MTUS2: variants seen among roughly 807,000 people sequenced by gnomAD.
The protein encoded by MTUS2 is microtubule-associated tumor suppressor candidate 2.
In MTUS2, 40 loss-of-function variants were observed where a neutral mutation model predicts 114.1. The observed-to-expected ratio is 0.35, with a 90% CI of 0.27 to 0.46. MTUS2 has a LOEUF of 0.46. MTUS2 is among the 20% of genes least tolerant of loss of function. The probability of loss-of-function intolerance (pLI) is 1.00; values close to 1 mark genes in which losing one functional copy is unlikely to be tolerated. For missense variants in MTUS2, 1,679 were observed against 1,705.4 expected (o/e 0.98, Z 0.27); for synonymous variants, 688 against 672.0 (o/e 1.02, Z -0.37).
chr13:29,148,331 T>C (rs1892521488), intron 5 of MTUS2, among the ~76,000 whole-genome samples: 1 of 152,036 alleles, frequency 6.6e-6, no homozygotes, highest in East Asian at 1.9e-4. Flanking sequence ...CAGCATCCAT[T>C]AGCTGTTCTT....
chr13:28,998,745 G>T (rs1262238882), intron 2 of MTUS2, among the ~76,000 whole-genome samples: 2 of 152,132 alleles, frequency 1.3e-5, no homozygotes, highest in Non-Finnish European at 2.9e-5. Flanking sequence ...GGTCCATCAC[G>T]TCCATTAAGG....
At chr13:29,486,508 C>A (rs997838749) in intron 10 of MTUS2, among the ~76,000 whole-genome samples, 2 of 152,028 alleles carry the variant, frequency 1.3e-5, no homozygotes, top group Non-Finnish European at 2.9e-5. Flanking sequence ...ATGTGGGAGC[C>A]CAGAGGTGGC....
At chr13:28,879,960 G>A (rs960185044) in intron 2 of MTUS2, among the ~76,000 whole-genome samples, 6 of 152,156 alleles carry the variant, frequency 3.9e-5, no homozygotes, top group African/African-American at 7.2e-5. Flanking sequence ...ATCTGAAGTC[G>A]TGAGGTTGAG....
intron 2 of MTUS2, among the ~76,000 whole-genome samples, chr13:29,004,030 T>G (rs1017291011): frequency 6.6e-6 from 1 of 152,184 alleles, no homozygotes; most frequent in African/African-American, 2.4e-5. Flanking sequence ...TTTGCTACTT[T>G]TATGGAGTGT....
intron 4 of MTUS2, among the ~76,000 whole-genome samples, chr13:29,042,045 G>T (rs1243208210): frequency 1.3e-5 from 2 of 152,164 alleles, no homozygotes; most frequent in Non-Finnish European, 1.5e-5. Context: ...ACTTGTTCCA[G>T]TTCTCAGAGG....
chr13:29,152,434 A>T (rs991221234), intron 5 of MTUS2, among the ~76,000 whole-genome samples: 20 of 152,184 alleles, frequency 1.3e-4, no homozygotes, highest in African/African-American at 4.8e-4. Flanking sequence ...AAAACAGCAA[A>T]TACTTATTAC....
rs143207100 is a variant in MTUS2 at position 29,307,271 on chromosome 13, G to A, written c.2807-17342G>A. On this transcript the variant is annotated intron_variant, in intron 6 of 15. Coordinates refer to ENST00000612955, the MANE Select transcript of MTUS2 (RefSeq NM_001033602.4). ...TTAGCACCCCTGGCCAAAGTCATCC[G>A]TGACAACTTTGGTATCATGGAAGGA... is the stretch of plus-strand genomic sequence containing the variant. 4.3e-3 allele frequency: 2,807 copies of A among 649,322 alleles called. 85 individuals are homozygous for A. Among genetic ancestry groups the A allele is most frequent in the South Asian group, 0.042 (2,674 of 63,980 alleles). 40.2% of individuals were successfully genotyped at this position (649,322 alleles called of 1,614,324 possible). A position where few individuals can be genotyped will look rare whatever the true frequency, so the allele number is the denominator to read the frequency against.
At chr13:28,821,618 C>T (rs1873909480) in intron 1 of MTUS2, among the ~76,000 whole-genome samples, 3 of 152,146 alleles carry the variant, frequency 2.0e-5, no homozygotes, top group African/African-American at 7.2e-5. Context: ...CAGCCCTTGT[C>T]CCTCCTCCAC....
rs1457491588 is a variant in MTUS2, at chr13:29,100,934, G to T, written c.2608G>T (p.Asp870Tyr). ...VSSVSSTQSG[D>Y]SAQPEQGRPA... ...CTCAGTCTCCAGCACCCAGTCCGGG[G>T]ACAGTGCACAGCCAGAGCAGGGCCG... The change falls in exon 5 of 16, where the codon GAC (aspartate) becomes TAC (tyrosine). Residue 870 changes from aspartate to tyrosine, a missense_variant. Asp to Tyr is a radical substitution (Grantham distance 160). Transcript: ENST00000612955. The T allele has an allele frequency of 1.9e-6, 3 of 1,577,018 alleles. No individual in the cohort carries two copies. The Admixed American group carries it at 5.5e-5, about 29-fold the overall frequency.
At chr13:29,481,619 C>G (rs1593496530) in intron 10 of MTUS2, among the ~76,000 whole-genome samples, 1 of 152,190 alleles carries the variant, frequency 6.6e-6, no homozygotes, top group African/African-American at 2.4e-5. Flanking sequence ...AAATGGACAT[C>G]TCAGACGACA....
In MTUS2 at chr13:29,253,629, T is replaced by G. The variant is rs573781284; in HGVS notation, c.2645-28075T>G. Among the ~76,000 whole-genome samples, 136 of 152,214 alleles carry G rather than the reference T, an allele frequency of 8.9e-4. 2 individuals are homozygous for G. The highest frequency in any genetic ancestry group is 3.0e-3 in the African/African-American group (125 of 41,560). ...ACATCAGTGAATAAAATAGACAGAA[T>G]TCCTGGAGGGTTTGCATTCTAACAG... On this transcript the variant is annotated intron_variant, in intron 5 of 15. Transcript: ENST00000612955.
At chr13:29,372,475 G>A (rs1871271341) in intron 8 of MTUS2, among the ~76,000 whole-genome samples, 1 of 149,068 alleles carries the variant, frequency 6.7e-6, no homozygotes, top group Non-Finnish European at 1.5e-5. Context: ...ATTATTATAT[G>A]TTAAGATTAA....
intron 2 of MTUS2, among the ~76,000 whole-genome samples, chr13:28,859,124 A>G (rs186233549): frequency 3.9e-4 from 59 of 152,254 alleles, no homozygotes; most frequent in South Asian, 1.2e-3. Flanking sequence ...TGCTCTCTCC[A>G]TAACATCCTG....
At chr13:29,498,639 G>C in intron 14 of MTUS2, 102 bp downstream of exon 14, 2 of 1,479,118 alleles carry the variant, frequency 1.4e-6, no homozygotes, top group Non-Finnish European at 1.8e-6. Context: ...TCCCTTACCT[G>C]CCCATTGCTT....
chr13:29,472,501 G>T (rs150239015), intron 9 of MTUS2, among the ~76,000 whole-genome samples: 1 of 152,158 alleles, frequency 6.6e-6, no homozygotes, highest in Admixed American at 6.5e-5. Context: ...GTGACCTAAC[G>T]GGTTTGGACA....
chr13:29,452,536 G>A (rs1878763104), intron 9 of MTUS2, among the ~76,000 whole-genome samples: 1 of 151,450 alleles, frequency 6.6e-6, no homozygotes, highest in Non-Finnish European at 1.5e-5. Context: ...GACTACAGGT[G>A]TATGCTACTA....
intron 5 of MTUS2, among the ~76,000 whole-genome samples, chr13:29,241,650 T>G (rs1335662): frequency 0.6 from 91,459 of 152,078 alleles, 27,791 homozygotes; most frequent in African/African-American, 0.62. Flanking sequence ...TTAAGTCTTT[T>G]TGTTCTTGCA....
At chr13:28,986,393 C>G (rs1884587228) in intron 2 of MTUS2, among the ~76,000 whole-genome samples, 1 of 152,146 alleles carries the variant, frequency 6.6e-6, no homozygotes, top group South Asian at 2.1e-4. Context: ...TAGGTGGGCA[C>G]TGGCTTCCTG....
chr13:28,943,931 T>C (rs182950825), intron 2 of MTUS2, among the ~76,000 whole-genome samples: 2 of 152,170 alleles, frequency 1.3e-5, no homozygotes, highest in South Asian at 2.1e-4. Context: ...AAAAATCAAT[T>C]TACTTAACAA....
Sources: allele counts gnomAD v4.1 joint callset (sites outside exome capture counted in the v4.1 genomes callset), GRCh38; gene constraint gnomAD v4.1.1; transcripts MANE v1.5; gene names NCBI Gene and HGNC (gene_info 2026-07-23, HGNC 2026-07-21).